The following WFS1 variants were observed in gnomAD, a reference collection of about 807,000 sequenced individuals.
WFS1 encodes the protein wolframin ER transmembrane glycoprotein.
Under a neutral mutation model 68.5 loss-of-function variants are expected in WFS1, and 90 were observed. The ratio of observed to expected loss-of-function variants is 1.31; its 90% CI spans 1.11 to 1.56. The LOEUF (loss-of-function observed/expected upper bound fraction) is 1.56, where lower values mean the gene tolerates loss of function less well. Ranked by LOEUF, WFS1 falls within the 40% of genes most tolerant of loss-of-function variation. The probability of loss-of-function intolerance (pLI) is 0.00; values close to 1 mark genes in which losing one functional copy is unlikely to be tolerated. For synonymous variants in WFS1, 860 were observed against 540.7 expected (o/e 1.59, Z -8.19); for missense variants, 1,767 against 1,232.6 (o/e 1.43, Z -6.49).
intron 1 of WFS1, among the ~76,000 whole-genome samples, chr4:6,270,507 C>T (rs1374753562): frequency 6.6e-6 from 1 of 152,068 alleles, no homozygotes; most frequent in Admixed American, 6.5e-5. Context: ...GGACCCGGCC[C>T]GCCCGAGGGG....
At chr4:6,297,826 C>T (rs1022260757) in intron 7 of WFS1, among the ~76,000 whole-genome samples, 2 of 152,104 alleles carry the variant, frequency 1.3e-5, no homozygotes, top group Admixed American at 6.6e-5. Context: ...TTTTTAATCC[C>T]ATGTCAGAGG....
intron 7 of WFS1, 115 bp from the exon 8 acceptor site, chr4:6,300,542 A>G (rs771917695): frequency 6.7e-5 from 101 of 1,500,766 alleles, no homozygotes; most frequent in Non-Finnish European, 8.1e-5. Flanking sequence ...GTGATGGGAA[A>G]ACGCAAGGGT....
At chr4:6,284,361 G>A (rs571061666) in intron 2 of WFS1, among the ~76,000 whole-genome samples, 225 of 152,224 alleles carry the variant, frequency 1.5e-3, no homozygotes, top group Non-Finnish European at 2.4e-3. Context: ...CGATGAGAGT[G>A]AAACTCTGTC....
rs1320873902 is a variant in WFS1 at position 6,277,467 on chromosome 4, C to CA, written c.13dup (p.Thr5AsnfsTer51). On this transcript the variant is annotated frameshift_variant, in exon 2 of 8. Transcript: ENST00000226760. LOFTEE classifies it high-confidence loss of function. ...TTCTTCCAGGCAGGATGGACTCCAA[C>CA]ACTGCTCCGCTGGGCCCCTCCTGCC... 6.4e-7 allele frequency: 1 copy of CA among 1,555,382 alleles called. No individual in the cohort carries two copies. The highest frequency in any genetic ancestry group is 8.7e-7 in the Non-Finnish European group (1 of 1,149,560).
Position 6,300,825 on chromosome 4 carries a change from T to TTCATCC in WFS1, c.1031_1036dup (p.Ile345_Pro346insLeuIle). On this transcript the variant is annotated inframe_insertion, in exon 8 of 8. Transcript: ENST00000226760. ...CCTCACCATCGACTTCTTCGCCTTC[T>TTCATCC]TCATCCCGCTGGTCATCTTCTACCT... 1 of 1,614,052 alleles carries TTCATCC rather than the reference T, an allele frequency of 6.2e-7. No homozygotes were observed.
intron 7 of WFS1, among the ~76,000 whole-genome samples, chr4:6,297,925 G>A (rs910214905): frequency 6.6e-6 from 1 of 152,166 alleles, no homozygotes; most frequent in Non-Finnish European, 1.5e-5. Context: ...TGGGGGACCA[G>A]CCCCTCCACA....
intron 1 of WFS1, among the ~76,000 whole-genome samples, chr4:6,275,971 G>C (rs1412289166): frequency 6.6e-6 from 1 of 152,196 alleles, no homozygotes; most frequent in Non-Finnish European, 1.5e-5. Flanking sequence ...AGATGAGGAG[G>C]CTGAGGTGCA....
chr4:6,300,030 AG>A (rs1730815953), intron 7 of WFS1, among the ~76,000 whole-genome samples: 1 of 151,974 alleles, frequency 6.6e-6, no homozygotes. Flanking sequence ...CTCCGGCCAT[AG>A]GGAGGGCAGC....
At chr4:6,280,117 G>C (rs1452886756) in intron 2 of WFS1, among the ~76,000 whole-genome samples, 1 of 152,236 alleles carries the variant, frequency 6.6e-6, no homozygotes, top group Non-Finnish European at 1.5e-5. Context: ...ACTGCAGGGA[G>C]TTGTGAGGCT....
intron 5 of WFS1, 90 bp downstream of exon 5, chr4:6,291,457 C>T (rs1488715268): frequency 6.6e-7 from 1 of 1,523,804 alleles, no homozygotes; most frequent in Non-Finnish European, 8.9e-7. Flanking sequence ...GGGACCTTCC[C>T]TCAGGGGCTG....
chr4:6,282,221 C>T (rs1292916593), intron 2 of WFS1, among the ~76,000 whole-genome samples: 5 of 152,228 alleles, frequency 3.3e-5, no homozygotes, highest in Non-Finnish European at 5.9e-5. Context: ...TGTCCATTCA[C>T]GAGAATCATT....
chr4:6,289,730 G>A (rs1730410978), intron 4 of WFS1, among the ~76,000 whole-genome samples: 1 of 152,254 alleles, frequency 6.6e-6, no homozygotes, highest in African/African-American at 2.4e-5. Context: ...GTGGGGCAGT[G>A]TGCTTCCTGA....
intron 7 of WFS1, among the ~76,000 whole-genome samples, chr4:6,298,662 A>C (rs1304705564): frequency 1.3e-5 from 2 of 151,766 alleles, no homozygotes; most frequent in Non-Finnish European, 2.9e-5. Context: ...GCACACACTC[A>C]TAACACTTCC....
Position 6,301,298 on chromosome 4 carries a change from C to T in WFS1, c.1503C>T (p.Val501=), listed in dbSNP as rs768245959. The T allele has an allele frequency of 1.1e-5, 17 of 1,611,302 alleles. No individual in the cohort carries two copies. The highest frequency in any genetic ancestry group is 3.3e-5 in the South Asian group (3 of 91,084). The change falls in exon 8 of 8, where the codon GTC becomes GTT. Residue 501 remains valine, a synonymous_variant. Transcript: ENST00000226760. ...TCGGCCACCTGGTCGTCCTCAACGT[C>T]AGCGTCCCGTGCCTGCTCTATGTCT... is the stretch of plus-strand genomic sequence containing the variant. The part of the protein sequence containing the change: ...VPVGHLVVLN[V]SVPCLLYVYL...
rs369759802 is a variant in WFS1, at chr4:6,289,067, C to T, written c.396C>T (p.Leu132=). 29 of 1,592,452 alleles carry T rather than the reference C, an allele frequency of 1.8e-5. No individual in the cohort carries two copies. In the African/African-American group the frequency reaches 1.9e-4, roughly 10 times the overall value. ...GCACCGCTGTGGACTGGCTGGTCCTCGCCGCGAAGCAGGGCCGTCGCGAGG... is the reference window on the plus strand; with the variant it reads ...GCACCGCTGTGGACTGGCTGGTCCTTGCCGCGAAGCAGGGCCGTCGCGAGG... The part of the protein sequence containing the change: ...NSCTAVDWLV[L]AAKQGRREAV... Residue 132 remains leucine (L), a synonymous_variant, in exon 4 of 8, where the codon CTC becomes CTT. Transcript: ENST00000226760.
At position 6,301,959 on chromosome 4, in the gene WFS1, A is replaced by T. The variant is rs778958194; in HGVS notation, c.2164A>T (p.Met722Leu). 3.7e-6 allele frequency: 6 copies of T among 1,612,658 alleles called. No individual in the cohort carries two copies. The highest frequency in any genetic ancestry group is 5.1e-6 in the Non-Finnish European group (6 of 1,179,942). Residue 722 changes from methionine to leucine, a missense_variant, in exon 8 of 8, where the codon ATG (methionine) becomes TTG (leucine). Transcript: ENST00000226760. ...IDNSAESAIN[M>L]LPFFIGDWMR... ...CAACAGCGCCGAGTCTGCCATCAAC[A>T]TGCTCCCGTTCTTCATCGGCGACTG...
chr4:6,302,248 G>T lies in WFS1; in HGVS notation c.2453G>T (p.Arg818Leu). ...SEFKSVLLSLRQGSLIEFSTI... is the reference protein window; with the variant it reads ...SEFKSVLLSLLQGSLIEFSTI... ...TTCAAGAGCGTGCTGCTCAGCCTGC[G>T]CCAGGGCAGCCTCATCGAGTTCAGC... Residue 818 changes from arginine to leucine, a missense_variant, in exon 8 of 8, where the codon CGC (arginine) becomes CTC (leucine). By Grantham distance (102) the Arg-to-Leu change is moderately radical. Transcript: ENST00000226760. 2 of 1,605,114 alleles carry T rather than the reference G, an allele frequency of 1.2e-6. No individual in the cohort carries two copies. Among genetic ancestry groups the T allele is most frequent in the Non-Finnish European group, 1.7e-6 (2 of 1,174,318 alleles).
In WFS1 at chr4:6,301,422, C is replaced by G; in HGVS notation, c.1627C>G (p.Leu543Val). The G allele has an allele frequency of 6.2e-7, 1 of 1,612,472 alleles. No homozygotes were observed. The highest frequency in any genetic ancestry group is 8.5e-7 in the Non-Finnish European group (1 of 1,180,038). Reference protein sequence around the residue: ...PYLVCFMWCELSVVILLESTG... With the variant: ...PYLVCFMWCEVSVVILLESTG... The stretch of plus-strand genomic sequence containing the variant: ...CCTGGTGTGCTTCATGTGGTGTGAG[C>G]TCTCCGTGGTCATCCTGCTGGAGTC... Residue 543 changes from leucine (L) to valine (V), a missense_variant, in exon 8 of 8, where the codon CTC becomes GTC. Physicochemically the swap from Leu to Val is conservative, Grantham distance 32. Coordinates refer to ENST00000226760, the MANE Select transcript of WFS1 (RefSeq NM_006005.3).
In WFS1 at chr4:6,277,529, C is replaced by A. The variant is rs1442260941; in HGVS notation, c.74C>A (p.Ser25Tyr). ...CCAGCACCGCAGCCCCAGGCGCGTT[C>A]CCGACTCAATGCCACAGCCTCGTTG... ...PPPAPQPQAR[S>Y]RLNATASLEQ... is the part of the protein sequence containing the mutation. Residue 25 changes from serine to tyrosine, a missense_variant, in exon 2 of 8, where the codon TCC (serine) becomes TAC (tyrosine). By Grantham distance (144) the Ser-to-Tyr change is moderately radical. Transcript: ENST00000226760. 2 of 1,586,954 alleles carry A rather than the reference C, an allele frequency of 1.3e-6. No individual in the cohort carries two copies. Among genetic ancestry groups the A allele is most frequent in the South Asian group, 2.3e-5 (2 of 86,840 alleles).
Sources: gnomAD v4.1 joint callset for allele counts (sites outside exome capture counted in the v4.1 genomes callset) on GRCh38, gnomAD v4.1.1 for gene constraint, MANE v1.5 for transcripts, NCBI Gene and HGNC (gene_info 2026-07-23, HGNC 2026-07-21) for gene names.